The following KLRD1 variants were observed in gnomAD, a reference collection of about 807,000 sequenced individuals.
The protein encoded by KLRD1 is natural killer cells antigen CD94.
A neutral mutation model predicts 22.6 loss-of-function variants in KLRD1; 21 were observed. That is an observed-to-expected ratio of 0.93 (90% CI 0.66 to 1.34). KLRD1 has a LOEUF of 1.34. KLRD1 is among the 40% of genes most tolerant of loss of function. The probability of loss-of-function intolerance (pLI) is 0.00; values close to 1 mark genes in which losing one functional copy is unlikely to be tolerated. For synonymous variants in KLRD1, 59 were observed against 71.1 expected, an observed-to-expected ratio of 0.83 and a Z score of 0.85; for missense variants, 183 against 208.6, an observed-to-expected ratio of 0.88 and a Z score of 0.76.
intron 1 of KLRD1, among the ~76,000 whole-genome samples, chr12:10,295,689 A>G (rs894476585): frequency 7.9e-5 from 12 of 152,340 alleles, no homozygotes; most frequent in African/African-American, 2.6e-4. Flanking sequence ...GTTCAGAAAA[A>G]GTAAATAAAA....
At chr12:10,297,324 T>C (rs1949831156) in intron 1 of KLRD1, among the ~76,000 whole-genome samples, 1 of 152,212 alleles carries the variant, frequency 6.6e-6, no homozygotes. Context: ...CCAAGTCTGT[T>C]CTGATTAAAA....
intron 1 of KLRD1, among the ~76,000 whole-genome samples, chr12:10,243,750 G>A (rs1331278919): frequency 2.0e-5 from 3 of 151,894 alleles, no homozygotes; most frequent in Non-Finnish European, 2.9e-5. Context: ...AGGATAAGAA[G>A]TGTGCAAATA....
At chr12:10,255,279 T>A (rs1020814539) in intron 1 of KLRD1, among the ~76,000 whole-genome samples, 1 of 152,198 alleles carries the variant, frequency 6.6e-6, no homozygotes, top group Admixed American at 6.5e-5. Context: ...TTTACTAATA[T>A]TGTTAATCTT....
intron 1 of KLRD1, among the ~76,000 whole-genome samples, chr12:10,247,941 C>T (rs557991151): frequency 1.3e-5 from 2 of 152,218 alleles, no homozygotes; most frequent in South Asian, 4.1e-4. Flanking sequence ...CGAGTATGTC[C>T]CTATAGCAGC....
chr12:10,298,923 GT>G (rs1949844519), intron 1 of KLRD1, among the ~76,000 whole-genome samples: 1 of 152,208 alleles, frequency 6.6e-6, no homozygotes, highest in Non-Finnish European at 1.5e-5. Flanking sequence ...ATATTTCTGT[GT>G]GTGTGTCTTT....
chr12:10,321,984 A>G lies in KLRD1; in HGVS notation c.*7191A>G, dbSNP rs1259471839. 6.6e-6 allele frequency: 1 copy of G among 152,232 alleles called. No individual in the cohort carries two copies. The highest frequency in any genetic ancestry group is 1.5e-5 in the Non-Finnish European group (1 of 68,042). The allele number at this position is 152,232 out of a possible 1,614,324, so 9.4% of individuals were successfully genotyped here. ...TTTTAAGCTTACGAGTTTGAGGATA[A>G]TTTGTTCTTTATAGTAGTTAGCTGA... On this transcript the variant is annotated 3_prime_UTR_variant, in exon 6 of 6. Transcript: ENST00000336164.
intron 1 of KLRD1, among the ~76,000 whole-genome samples, chr12:10,291,735 G>A (rs1045148931): frequency 6.4e-4 from 97 of 151,298 alleles, no homozygotes; most frequent in South Asian, 2.1e-4. Flanking sequence ...TCAACCCATC[G>A]TCTAGGTTTT....
At chr12:10,306,011 T>G (rs1033809754), upstream of KLRD1, among the ~76,000 whole-genome samples, 3 of 146,632 alleles carry the variant, frequency 2.0e-5, no homozygotes, top group African/African-American at 2.6e-5. Flanking sequence ...AAAAAAAAAA[T>G]ACAAAAAATT....
upstream of KLRD1, among the ~76,000 whole-genome samples, chr12:10,300,908 C>G (rs1949860832): frequency 6.6e-6 from 1 of 152,186 alleles, no homozygotes; most frequent in Non-Finnish European, 1.5e-5. Flanking sequence ...ACTTCATGAC[C>G]CAAACTCTGC....
intron 4 of KLRD1, among the ~76,000 whole-genome samples, chr12:10,312,400 A>G (rs1950100372): frequency 6.8e-6 from 1 of 146,362 alleles, no homozygotes; most frequent in South Asian, 2.1e-4. Context: ...TTTGTTTGAG[A>G]TGGAGTCTCG....
In KLRD1 at chr12:10,315,283, C is replaced by CTAATTTT. The variant is rs1177613623; in HGVS notation, c.*506_*512dup. On this transcript the variant is annotated 3_prime_UTR_variant, in exon 6 of 6. Coordinates refer to ENST00000336164, the MANE Select transcript of KLRD1 (RefSeq NM_002262.5). ...GCAGGCACCATGTCACTATGCCCGACTAATTTTTAATTTTTAATTTTTTGT... is the reference window on the plus strand; with the variant it reads ...GCAGGCACCATGTCACTATGCCCGACTAATTTTTAATTTTTAATTTTTAATTTTTTGT... 2.2e-5 allele frequency: 10 copies of CTAATTTT among 444,618 alleles called. No homozygotes were observed. Among genetic ancestry groups the CTAATTTT allele is most frequent in the Non-Finnish European group, 4.1e-5 (9 of 221,330 alleles). The allele number at this position is 444,618 out of a possible 1,614,324, so 27.5% of individuals were successfully genotyped here.
At chr12:10,292,397 A>C (rs919464677) in intron 1 of KLRD1, among the ~76,000 whole-genome samples, 4 of 152,204 alleles carry the variant, frequency 2.6e-5, no homozygotes, top group Admixed American at 6.5e-5. Context: ...ATATGACTTA[A>C]AAGTTGAAAT....
At chr12:10,250,528 G>A (rs889942671) in intron 1 of KLRD1, among the ~76,000 whole-genome samples, 3 of 151,404 alleles carry the variant, frequency 2.0e-5, no homozygotes, top group East Asian at 1.9e-4. Context: ...AAAATCTCCC[G>A]CTCACTGCAA....
At chr12:10,298,724 A>G (rs1470284700) in intron 1 of KLRD1, among the ~76,000 whole-genome samples, 4 of 152,242 alleles carry the variant, frequency 2.6e-5, no homozygotes, top group Non-Finnish European at 5.9e-5. Context: ...GCTGCAGTTA[A>G]CTAGCCAGAC....
At chr12:10,310,247 G>C (rs1950029220) in intron 3 of KLRD1, among the ~76,000 whole-genome samples, 1 of 152,116 alleles carries the variant, frequency 6.6e-6, no homozygotes, top group Admixed American at 6.5e-5. Context: ...AGCCTCCCAA[G>C]TAGCTGGGAC....
In KLRD1 at chr12:10,324,974, C is replaced by A. The variant is rs895863359; in HGVS notation, c.*10181C>A. On this transcript the variant is annotated 3_prime_UTR_variant, in exon 6 of 6. Coordinates refer to ENST00000336164, the MANE Select transcript of KLRD1 (RefSeq NM_002262.5). ...GAATAAAGACAGTTTTTACCTCTTTCTTTTGAAAACTGTGTGCCTTTAATT... is the reference window on the plus strand; with the variant it reads ...GAATAAAGACAGTTTTTACCTCTTTATTTTGAAAACTGTGTGCCTTTAATT... 6.6e-6 allele frequency: 1 copy of A among 151,448 alleles called. No homozygotes were observed. Among genetic ancestry groups the A allele is most frequent in the African/African-American group, 2.4e-5 (1 of 41,288 alleles). 9.4% of individuals were successfully genotyped at this position (151,448 alleles called of 1,614,324 possible).
chr12:10,297,817 T>C (rs7965009), intron 1 of KLRD1, among the ~76,000 whole-genome samples: 4,168 of 152,352 alleles, frequency 0.027, 179 homozygotes, highest in African/African-American at 0.095. Context: ...CCTCTTGCTT[T>C]GACACAGTGA....
At chr12:10,282,318 A>G (rs1949652740) in intron 1 of KLRD1, among the ~76,000 whole-genome samples, 1 of 150,596 alleles carries the variant, frequency 6.6e-6, no homozygotes, top group South Asian at 2.1e-4. Flanking sequence ...GTGTAATGGC[A>G]TGATCTCGGC....
At chr12:10,301,519 T>C (rs1565464666), upstream of KLRD1, among the ~76,000 whole-genome samples, 3 of 152,154 alleles carry the variant, frequency 2.0e-5, no homozygotes, top group Admixed American at 6.5e-5. Context: ...ACAAAAAATA[T>C]TTGGGGCTTG....
Sources: gnomAD v4.1 joint callset for allele counts (sites outside exome capture counted in the v4.1 genomes callset) on GRCh38, gnomAD v4.1.1 for gene constraint, MANE v1.5 for transcripts, NCBI Gene and HGNC (gene_info 2026-07-23, HGNC 2026-07-21) for gene names.